DMXL1: variants seen among roughly 807,000 people sequenced by gnomAD.
DMXL1 encodes the protein dmX-like protein 1.
Under a neutral mutation model 319.2 loss-of-function variants are expected in DMXL1, and 99 were observed. The observed-to-expected ratio is 0.31, with a 90% confidence interval of 0.26 to 0.37. The LOEUF (loss-of-function observed/expected upper bound fraction) is 0.37. Among genes scored for constraint, DMXL1 ranks in the 10% least tolerant of loss-of-function variants. The pLI, the probability that DMXL1 is intolerant of heterozygous loss-of-function variation, is 1.00. For synonymous variants in DMXL1, 1,385 were observed against 1,235.2 expected, an observed-to-expected ratio of 1.12 and a Z score of -2.54; for missense variants, 3,745 against 3,595.6, an observed-to-expected ratio of 1.04 and a Z score of -1.06.
At chr5:119,205,807 G>A (rs1335321414) in intron 33 of DMXL1, among the ~76,000 whole-genome samples, 8 of 151,970 alleles carry the variant, frequency 5.3e-5, no homozygotes, top group Non-Finnish European at 8.8e-5. Flanking sequence ...AAGGTTACTA[G>A]CCTATTTTTA....
chr5:119,150,517 AG>A, intron 18 of DMXL1, 96 bp downstream of exon 18: 1 of 1,345,204 alleles, frequency 7.4e-7, no homozygotes, highest in Non-Finnish European at 9.9e-7. Flanking sequence ...GGCTAGGCAC[AG>A]GGGCTTATGC....
chr5:119,127,349 CTTTT>C (rs371183556), intron 9 of DMXL1: 12 of 135,110 alleles, frequency 8.9e-5, no homozygotes, highest in South Asian at 4.7e-4. Flanking sequence ...GTCCTTTATC[CTTTT>C]TTTTTTTTTT....
intron 1 of DMXL1, among the ~76,000 whole-genome samples, chr5:119,075,389 A>T (rs1354380924): frequency 6.6e-6 from 1 of 151,778 alleles, no homozygotes; most frequent in Admixed American, 6.6e-5. Flanking sequence ...ACAGGCGCAC[A>T]CCACCACGCC....
chr5:119,091,221 T>G (rs1282641494), intron 1 of DMXL1, among the ~76,000 whole-genome samples: 3 of 151,924 alleles, frequency 2.0e-5, no homozygotes, highest in African/African-American at 7.3e-5. Context: ...ATTTATTTAT[T>G]TATTTGACAG....
At chr5:119,140,427 T>C (rs1767042167) in intron 13 of DMXL1, among the ~76,000 whole-genome samples, 1 of 152,204 alleles carries the variant, frequency 6.6e-6, no homozygotes, top group East Asian at 1.9e-4. Flanking sequence ...CAAGGGAATG[T>C]TAACCACTGA....
intron 28 of DMXL1, among the ~76,000 whole-genome samples, chr5:119,179,034 A>G (rs1383424957): frequency 1.3e-5 from 2 of 152,090 alleles, no homozygotes; most frequent in Non-Finnish European, 2.9e-5. Flanking sequence ...CTGCTTTATG[A>G]TTTGCATATT....
At chr5:119,124,381 T>G (rs996191495) in intron 9 of DMXL1, among the ~76,000 whole-genome samples, 3 of 151,948 alleles carry the variant, frequency 2.0e-5, no homozygotes, top group Non-Finnish European at 4.4e-5. Flanking sequence ...TGTGACTGTC[T>G]TGAATGCTTT....
rs1474436601 is a variant in DMXL1 at position 119,123,552 on chromosome 5, A to AT, written c.1102+2416dup. Among the ~76,000 whole-genome samples, 9 of 152,256 alleles carry AT rather than the reference A, an allele frequency of 5.9e-5. No homozygotes were observed. The South Asian group carries it at 1.7e-3, about 28-fold the overall frequency. On this transcript the variant is annotated intron_variant, in intron 9 of 43. Coordinates refer to ENST00000539542, the MANE Select transcript of DMXL1 (RefSeq NM_001290321.3). ...CTTTAAGGCCATGACTTGACTTGTG[A>AT]TTTAGGATCTTGATAAGGCATTGAA... is the stretch of plus-strand genomic sequence containing the variant.
intron 37 of DMXL1, among the ~76,000 whole-genome samples, chr5:119,221,838 A>G (rs1264780292): frequency 3.3e-5 from 5 of 151,914 alleles, no homozygotes; most frequent in Admixed American, 6.6e-5. Context: ...GCAAAAAGCA[A>G]TATAATAATG....
intron 19 of DMXL1, among the ~76,000 whole-genome samples, chr5:119,163,000 T>G (rs1223586125): frequency 6.6e-6 from 1 of 152,210 alleles, no homozygotes; most frequent in Non-Finnish European, 1.5e-5. Context: ...CTTTACCTAG[T>G]AATGCTAAAC....
chr5:119,220,289 C>T (rs1236827297), intron 35 of DMXL1, among the ~76,000 whole-genome samples, 183 bp from the exon 36 acceptor site: 1 of 152,158 alleles, frequency 6.6e-6, no homozygotes, highest in African/African-American at 2.4e-5. Context: ...ATGTACTTTT[C>T]ATAGAACATA....
intron 15 of DMXL1, among the ~76,000 whole-genome samples, chr5:119,146,441 G>T (rs969558923): frequency 1.3e-5 from 2 of 151,926 alleles, no homozygotes; most frequent in African/African-American, 4.8e-5. Context: ...TAAATATCAT[G>T]AAGTCATCCA....
intron 37 of DMXL1, 89 bp downstream of exon 37, chr5:119,221,170 TC>T: frequency 1.0e-6 from 1 of 976,272 alleles, no homozygotes; most frequent in East Asian, 2.7e-5. Flanking sequence ...AAAACATTTT[TC>T]TTAATTCCTA....
At chr5:119,099,442 C>T (rs1480554323) in intron 2 of DMXL1, among the ~76,000 whole-genome samples, 1 of 152,126 alleles carries the variant, frequency 6.6e-6, no homozygotes, top group Non-Finnish European at 1.5e-5. Flanking sequence ...ATCTCCTGAC[C>T]TAGCGATTTG....
chr5:119,239,260 G>A (rs1231152655), intron 41 of DMXL1, among the ~76,000 whole-genome samples, 180 bp downstream of exon 41: 1 of 152,144 alleles, frequency 6.6e-6, no homozygotes, highest in African/African-American at 2.4e-5. Context: ...GTGGTTGTAA[G>A]AAAGTGTCAT....
chr5:119,175,383 G>T (rs1156942152), intron 26 of DMXL1, 46 bp downstream of exon 26: 2 of 1,374,876 alleles, frequency 1.5e-6, no homozygotes, highest in Non-Finnish European at 2.1e-6. Flanking sequence ...AGTAAGCAAT[G>T]AGGTTTCATA....
intron 25 of DMXL1, 45 bp from the exon 26 acceptor site, chr5:119,175,216 C>G (rs1005863344): frequency 1.4e-6 from 2 of 1,475,034 alleles, no homozygotes; most frequent in Non-Finnish European, 1.8e-6. Context: ...AAAATCTGCA[C>G]TTTAAAAAGG....
chr5:119,237,727 A>G (rs1323804102), intron 40 of DMXL1, among the ~76,000 whole-genome samples: 1 of 152,012 alleles, frequency 6.6e-6, no homozygotes, highest in Non-Finnish European at 1.5e-5. Flanking sequence ...TTATGCCTAA[A>G]TAGAATGATT....
At chr5:119,132,607 GC>G (rs1765169072) in intron 10 of DMXL1, 1 of 314,902 alleles carries the variant, frequency 3.2e-6, no homozygotes, top group East Asian at 8.4e-5. Context: ...GACCCGGGCA[GC>G]AGAGGTTGCA....
Sources: allele counts gnomAD v4.1 joint callset (sites outside exome capture counted in the v4.1 genomes callset), GRCh38; gene constraint gnomAD v4.1.1; transcripts MANE v1.5; gene names NCBI Gene and HGNC (gene_info 2026-07-23, HGNC 2026-07-21).